The following IMMP1L variants were observed in gnomAD, a reference collection of about 807,000 sequenced individuals.
IMMP1L encodes mitochondrial inner membrane protease subunit 1.
A neutral mutation model predicts 21.8 loss-of-function variants in IMMP1L; 24 were observed. The ratio of observed to expected loss-of-function variants is 1.10; its 90% confidence interval spans 0.80 to 1.55. The LOEUF is 1.55. Ranked by LOEUF, IMMP1L falls within the 40% of genes most tolerant of loss-of-function variation. The probability of loss-of-function intolerance (pLI) is 0.00; values close to 1 mark genes in which losing one functional copy is unlikely to be tolerated. For missense variants in IMMP1L, 195 were observed against 200.7 expected (o/e 0.97, Z 0.17); for synonymous variants, 46 against 62.8 (o/e 0.73, Z 1.26).
At position 31,509,599 on chromosome 11, in the gene IMMP1L, G is replaced by T. The variant is rs1025806891; in HGVS notation, c.-110C>A. 1 of 641,236 alleles carries T rather than the reference G, an allele frequency of 1.6e-6. No homozygotes were observed. Among genetic ancestry groups the T allele is most frequent in the Non-Finnish European group, 2.7e-6 (1 of 374,286 alleles). 39.7% of individuals were successfully genotyped at this position (641,236 alleles called of 1,614,324 possible). ...CACCTGGGCCCCGCCGAAGTCGACC[G>T]TCCTTTCGTAGGGCGCACTTTTCAG... On this transcript the variant is annotated 5_prime_UTR_variant, in exon 1 of 6. Coordinates refer to ENST00000532287, the MANE Select transcript of IMMP1L (RefSeq NM_001304274.2).
At chr11:31,461,863 G>A (rs982260680) in intron 2 of IMMP1L, among the ~76,000 whole-genome samples, 3 of 151,930 alleles carry the variant, frequency 2.0e-5, no homozygotes, top group Non-Finnish European at 2.9e-5. Context: ...AACTATCATC[G>A]CCACTTTAAA....
rs768536844 is a variant in IMMP1L, at chr11:31,460,688, T to C, written c.132A>G (p.Thr44=). 9 of 1,610,518 alleles carry C rather than the reference T, an allele frequency of 5.6e-6. No homozygotes were observed. The East Asian group carries it at 1.6e-4, about 28-fold the overall frequency. The change falls in exon 3 of 6, where the codon ACA becomes ACG. Residue 44 remains threonine, a synonymous_variant. Coordinates refer to ENST00000532287, the MANE Select transcript of IMMP1L (RefSeq NM_001304274.2). The stretch of plus-strand genomic sequence containing the variant: ...CAAAGACAATATCTGAATTTTGAAT[T>C]GTAGGCTCCATTGATGGTCCAGAAC... ...VMCSGPSMEP[T]IQNSDIVFAE...
intron 1 of IMMP1L, among the ~76,000 whole-genome samples, chr11:31,502,182 G>A (rs1172595977): frequency 6.6e-6 from 1 of 152,180 alleles, no homozygotes; most frequent in African/African-American, 2.4e-5. Context: ...ATAATTCAAG[G>A]TTGAGAATGT....
At chr11:31,460,560 C>A (rs1249093713) in intron 3 of IMMP1L, 66 bp downstream of exon 3, 10 of 929,082 alleles carry the variant, frequency 1.1e-5, no homozygotes, top group South Asian at 3.0e-5. Context: ...TAAGGAACTG[C>A]AGAAAAGCCA....
At chr11:31,473,955 G>A (rs1954649736) in intron 1 of IMMP1L, among the ~76,000 whole-genome samples, 1 of 152,092 alleles carries the variant, frequency 6.6e-6, no homozygotes, top group South Asian at 2.1e-4. Flanking sequence ...ATGATTTAAT[G>A]TCATTAATGT....
chr11:31,507,322 T>C (rs1056569867), intron 1 of IMMP1L, among the ~76,000 whole-genome samples: 1 of 152,136 alleles, frequency 6.6e-6, no homozygotes, highest in Non-Finnish European at 1.5e-5. Flanking sequence ...GATAGTGTTA[T>C]ACCAGATATA....
At chr11:31,441,096 A>T (rs967959699) in intron 4 of IMMP1L, among the ~76,000 whole-genome samples, 2 of 152,180 alleles carry the variant, frequency 1.3e-5, no homozygotes, top group East Asian at 1.9e-4. Context: ...TAAAATTTTT[A>T]AAATATATAT....
chr11:31,459,828 C>G (rs1954075302), intron 3 of IMMP1L, among the ~76,000 whole-genome samples: 1 of 152,066 alleles, frequency 6.6e-6, no homozygotes, highest in Non-Finnish European at 1.5e-5. Context: ...TATACAATTC[C>G]TGGTTCTCAG....
At chr11:31,489,032 G>C (rs1955171726) in intron 1 of IMMP1L, among the ~76,000 whole-genome samples, 1 of 151,934 alleles carries the variant, frequency 6.6e-6, no homozygotes, top group African/African-American at 2.4e-5. Flanking sequence ...GAGTAGCTGG[G>C]ACTACAGGTA....
At chr11:31,501,549 T>C (rs1393071973) in intron 1 of IMMP1L, among the ~76,000 whole-genome samples, 2 of 152,312 alleles carry the variant, frequency 1.3e-5, no homozygotes, top group East Asian at 3.9e-4. Flanking sequence ...CTGTTCATTA[T>C]ACATTACCCA....
intron 3 of IMMP1L, 48 bp downstream of exon 3, chr11:31,460,578 T>G: frequency 9.0e-7 from 1 of 1,116,582 alleles, no homozygotes; most frequent in Non-Finnish European, 1.4e-6. Context: ...CCACAATGTG[T>G]GTGTGTATTT....
intron 1 of IMMP1L, among the ~76,000 whole-genome samples, chr11:31,464,512 A>C (rs1954263611): frequency 6.6e-6 from 1 of 152,114 alleles, no homozygotes. Context: ...CAAAATCCCC[A>C]ATGAGCTCAG....
Position 31,502,099 on chromosome 11 carries a change from G to A in IMMP1L, c.-30+7420C>T, listed in dbSNP as rs189557812. 6.6e-4 allele frequency among the ~76,000 whole-genome samples: 101 copies of A among 152,178 alleles called. 1 individual carries two copies. The highest frequency in any genetic ancestry group is 2.3e-3 in the African/African-American group (97 of 41,544). On this transcript the variant is annotated intron_variant, in intron 1 of 5. Transcript: ENST00000532287. ...CTTCAAAGTCAGAGAGAAAAAATCCGAACTGAGAGAAAATTCAAAGATATA... is the reference window on the plus strand; with the variant it reads ...CTTCAAAGTCAGAGAGAAAAAATCCAAACTGAGAGAAAATTCAAAGATATA...
At position 31,456,876 on chromosome 11, in the gene IMMP1L, C is replaced by CAAAAAAAAAAAAAAAAAAAAAA. The variant is rs56849120; in HGVS notation, c.195-512_195-491dup. On this transcript the variant is annotated intron_variant, in intron 3 of 5. Coordinates refer to ENST00000532287, the MANE Select transcript of IMMP1L (RefSeq NM_001304274.2). ...GGGCAACAGACTGAGACCATGTCTC[C>CAAAAAAAAAAAAAAAAAAAAAA]AAAAAAAAAAAAAAAAAAAAAAAAA... Among the ~76,000 whole-genome samples, 3 of 17,966 alleles carry CAAAAAAAAAAAAAAAAAAAAAA rather than the reference C, an allele frequency of 1.7e-4. 1 individual carries two copies. Among genetic ancestry groups the CAAAAAAAAAAAAAAAAAAAAAA allele is most frequent in the Non-Finnish European group, 3.2e-4 (3 of 9,358 alleles). The allele number at this position is 17,966 out of a possible 152,430, so 11.8% of individuals were successfully genotyped here. A position where few individuals can be genotyped will look rare whatever the true frequency, so the allele number is the denominator to read the frequency against.
Position 31,460,672 on chromosome 11 carries a change from T to C in IMMP1L, c.148A>G (p.Ile50Val). 6.2e-7 allele frequency: 1 copy of C among 1,611,494 alleles called. No individual in the cohort carries two copies. Among genetic ancestry groups the C allele is most frequent in the Non-Finnish European group, 8.5e-7 (1 of 1,177,926 alleles). ...CGACTAAGATTTTCTGCAAAGACAA[T>C]ATCTGAATTTTGAATTGTAGGCTCC... ...SMEPTIQNSD[I>V]VFAENLSRHF... Residue 50 changes from isoleucine to valine, a missense_variant, in exon 3 of 6, where the codon ATT (isoleucine) becomes GTT (valine). Ile to Val is a conservative substitution (Grantham distance 29). Coordinates refer to ENST00000532287, the MANE Select transcript of IMMP1L (RefSeq NM_001304274.2).
chr11:31,478,140 A>G (rs1201993683), intron 1 of IMMP1L, among the ~76,000 whole-genome samples: 2 of 152,248 alleles, frequency 1.3e-5, no homozygotes, highest in Non-Finnish European at 2.9e-5. Context: ...AAGATTACAC[A>G]GCAAGTGAAT....
intron 1 of IMMP1L, among the ~76,000 whole-genome samples, chr11:31,482,456 T>C (rs1159431485): frequency 6.6e-6 from 1 of 151,982 alleles, no homozygotes; most frequent in Non-Finnish European, 1.5e-5. Flanking sequence ...ATACCCATCA[T>C]CAATGAAGAA....
At chr11:31,500,197 GA>G (rs1298576930) in intron 1 of IMMP1L, among the ~76,000 whole-genome samples, 1 of 151,724 alleles carries the variant, frequency 6.6e-6, no homozygotes, top group Admixed American at 6.6e-5. Flanking sequence ...GATTTGATGG[GA>G]AAACAAAGAA....
chr11:31,491,477 T>C (rs1186216209), intron 1 of IMMP1L, among the ~76,000 whole-genome samples: 1 of 152,212 alleles, frequency 6.6e-6, no homozygotes, highest in Non-Finnish European at 1.5e-5. Flanking sequence ...GGTTCTACTA[T>C]GTGGCAAAAC....
Sources: gnomAD v4.1 joint callset for allele counts (sites outside exome capture counted in the v4.1 genomes callset) on GRCh38, gnomAD v4.1.1 for gene constraint, MANE v1.5 for transcripts, NCBI Gene and HGNC (gene_info 2026-07-23, HGNC 2026-07-21) for gene names.